Variants in MECOM observed in about 807,000 individuals in gnomAD.
MECOM encodes the protein histone-lysine N-methyltransferase MECOM.
MECOM carries 13 observed loss-of-function variants against 116.3 expected under a neutral mutation model. That is an observed-to-expected ratio of 0.11 (90% confidence interval 0.07 to 0.18). The LOEUF (loss-of-function observed/expected upper bound fraction) is 0.18, where lower values mean the gene tolerates loss of function less well. Among genes scored for constraint, MECOM ranks in the 10% least tolerant of loss-of-function variants. The pLI, the probability that MECOM is intolerant of heterozygous loss-of-function variation, is 1.00. For synonymous variants in MECOM, 528 were observed against 535.2 expected, an observed-to-expected ratio of 0.99 and a Z score of 0.19; for missense variants, 1,299 against 1,509.0, an observed-to-expected ratio of 0.86 and a Z score of 2.31.
chr3:169,594,224 C>T lies in MECOM; in HGVS notation c.37+69112G>A, dbSNP rs376833001. On this transcript the variant is annotated intron_variant, in intron 1 of 16. Coordinates refer to ENST00000651503, the MANE Select transcript of MECOM (RefSeq NM_004991.4). ...AAGGCCCTCCACCAAAAAAACAATG[C>T]TCTCTTAAAACTAGCTGACCCTTTG... is the stretch of plus-strand genomic sequence containing the variant. 1.7e-4 allele frequency among the ~76,000 whole-genome samples: 25 copies of T among 150,904 alleles called. No individual in the cohort carries two copies. The East Asian group carries it at 3.5e-3, about 21-fold the overall frequency.
Position 169,412,221 on chromosome 3 carries a change from G to T in MECOM, c.38-30697C>A, listed in dbSNP as rs534199142. On this transcript the variant is annotated intron_variant, in intron 1 of 16. Transcript: ENST00000651503. ...AAATCACCTGAACCCAGGAGGCGGA[G>T]GTTGCAGTGAGCCAAGATTGCGCCA... 3.3e-5 allele frequency among the ~76,000 whole-genome samples: 5 copies of T among 149,858 alleles called. No individual in the cohort carries two copies. In the East Asian group the frequency reaches 9.8e-4, roughly 29 times the overall value.
At chr3:169,516,925 G>A (rs767868317) in intron 1 of MECOM, among the ~76,000 whole-genome samples, 2 of 152,162 alleles carry the variant, frequency 1.3e-5, no homozygotes, top group African/African-American at 2.4e-5. Flanking sequence ...ATTGCAACAT[G>A]CAGGCAAACG....
In MECOM at chr3:169,101,024, A is replaced by G. The variant is rs1723388236; in HGVS notation, c.2772-62T>C. The G allele has an allele frequency of 2.5e-6, 3 of 1,176,720 alleles. No individual in the cohort carries two copies. In the Middle Eastern group the frequency reaches 5.9e-4, roughly 232 times the overall value. The allele number at this position is 1,176,720 out of a possible 1,614,324, so 72.9% of individuals were successfully genotyped here. A position where few individuals can be genotyped will look rare whatever the true frequency, so the allele number is the denominator to read the frequency against. On this transcript the variant is annotated intron_variant, in intron 11 of 16. Transcript: ENST00000651503. ...CAGTTGACTATATTTCACTCATGCC[A>G]CACAGCAGCCAGATGCTTATTCCTG...
At position 169,512,588 on chromosome 3, in the gene MECOM, A is replaced by G. The variant is rs16853910; in HGVS notation, c.38-131064T>C. ...CCTAGCTACTTCCCCATAGTGACCA[A>G]CTACATCTTGTTAACTGTTTTGTCC... On this transcript the variant is annotated intron_variant, in intron 1 of 16. Coordinates refer to ENST00000651503, the MANE Select transcript of MECOM (RefSeq NM_004991.4). 8.4e-3 allele frequency among the ~76,000 whole-genome samples: 1,281 copies of G among 152,334 alleles called. 15 individuals are homozygous for G. Among genetic ancestry groups the G allele is most frequent in the South Asian group, 0.025 (123 of 4,828 alleles).
At chr3:169,107,211 T>C (rs1725725067) in intron 10 of MECOM, among the ~76,000 whole-genome samples, 1 of 152,166 alleles carries the variant, frequency 6.6e-6, no homozygotes, top group Admixed American at 6.6e-5. Context: ...ACTTAGAGAA[T>C]ATTTTTAACT....
At chr3:169,610,782 T>A (rs1769166015) in intron 1 of MECOM, among the ~76,000 whole-genome samples, 1 of 152,080 alleles carries the variant, frequency 6.6e-6, no homozygotes, top group Non-Finnish European at 1.5e-5. Flanking sequence ...CACTGGTGAG[T>A]CTGAATATAA....
In MECOM at chr3:169,651,998, T is replaced by A. The variant is rs561813136; in HGVS notation, c.37+11338A>T. Among the ~76,000 whole-genome samples the A allele has an allele frequency of 5.3e-5, 8 of 152,232 alleles. No individual in the cohort carries two copies. The South Asian group carries it at 1.7e-3, about 32-fold the overall frequency. ...TAAAAATTATTGTGTATAAATTTTG[T>A]AACAAGAAAAATATTGTGTATAAGA... On this transcript the variant is annotated intron_variant, in intron 1 of 16. Coordinates refer to ENST00000651503, the MANE Select transcript of MECOM (RefSeq NM_004991.4).
Position 169,611,729 on chromosome 3 carries a change from C to T in MECOM, c.37+51607G>A, listed in dbSNP as rs1034059878. Among the ~76,000 whole-genome samples the T allele has an allele frequency of 1.3e-5, 2 of 151,998 alleles. No individual in the cohort carries two copies. The highest frequency in any genetic ancestry group is 4.8e-5 in the African/African-American group (2 of 41,380). On this transcript the variant is annotated intron_variant, in intron 1 of 16. Coordinates refer to ENST00000651503, the MANE Select transcript of MECOM (RefSeq NM_004991.4). This position sits in a 1 kb window ranked among gnomAD's most constrained non-coding sequence, Gnocchi z 4.1. The stretch of plus-strand genomic sequence containing the variant: ...GGAACAGATATGGTGACCTTAGTAC[C>T]CAAAGGATTATTTTAGTCTTACAGA...
Position 169,413,035 on chromosome 3 carries a change from T to C in MECOM, c.38-31511A>G, listed in dbSNP as rs538001583. On this transcript the variant is annotated intron_variant, in intron 1 of 16. Transcript: ENST00000651503. ...AAATATATAAAAGCAGATTTCCTTT[T>C]AAAAACATAGTTAGGAGGATTCCTG... Among the ~76,000 whole-genome samples the C allele has an allele frequency of 7.9e-5, 12 of 152,364 alleles. No homozygotes were observed. In the South Asian group the frequency reaches 2.3e-3, roughly 29 times the overall value.
intron 2 of MECOM, among the ~76,000 whole-genome samples, chr3:169,227,827 A>T (rs1202203728): frequency 6.6e-6 from 1 of 152,220 alleles, no homozygotes; most frequent in Non-Finnish European, 1.5e-5. Flanking sequence ...GAATCAGCAC[A>T]TAGGAGGCAG....
At chr3:169,525,943 C>T (rs535997946) in intron 1 of MECOM, among the ~76,000 whole-genome samples, 128 of 152,020 alleles carry the variant, frequency 8.4e-4, no homozygotes, top group Middle Eastern at 3.4e-3. Flanking sequence ...GCAGGAGAAT[C>T]GCTTGAACCC....
intron 1 of MECOM, among the ~76,000 whole-genome samples, chr3:169,617,038 ATC>A: frequency 6.6e-6 from 1 of 152,316 alleles, no homozygotes; most frequent in East Asian, 1.9e-4. Context: ...CTAGGGTTAT[ATC>A]TCTATTTTCA....
intron 2 of MECOM, among the ~76,000 whole-genome samples, chr3:169,324,747 G>A (rs1024835632): frequency 2.6e-5 from 4 of 152,188 alleles, no homozygotes; most frequent in African/African-American, 9.6e-5. Context: ...ACAAGTGCAG[G>A]AAGAGACTGA....
intron 2 of MECOM, among the ~76,000 whole-genome samples, chr3:169,235,514 G>A (rs1041250124): frequency 1.3e-5 from 2 of 151,660 alleles, no homozygotes; most frequent in African/African-American, 2.4e-5. Flanking sequence ...ATATGAAAAC[G>A]TGTTTACTAT....
chr3:169,376,904 T>C (rs1165007734), intron 2 of MECOM, among the ~76,000 whole-genome samples: 1 of 152,158 alleles, frequency 6.6e-6, no homozygotes, highest in Non-Finnish European at 1.5e-5. Flanking sequence ...GCTGGAGGTG[T>C]CACGCTGCCT....
At chr3:169,650,716 C>T (rs980064336) in intron 1 of MECOM, among the ~76,000 whole-genome samples, 3 of 151,868 alleles carry the variant, frequency 2.0e-5, no homozygotes, top group Admixed American at 6.6e-5. Context: ...CTGCTGTGAC[C>T]GTGTCTCAGA....
At position 169,122,742 on chromosome 3, in the gene MECOM, A is replaced by G; in HGVS notation, c.831-15T>C. On this transcript the variant is annotated splice_polypyrimidine_tract_variant and intron_variant, in intron 5 of 16. Coordinates refer to ENST00000651503, the MANE Select transcript of MECOM (RefSeq NM_004991.4). The stretch of plus-strand genomic sequence containing the variant: ...GTTTCTCCAGGCTGTTAAGAGAACA[A>G]TAGATTTTAAAAGACAAAGGATGCA... 6.2e-7 allele frequency: 1 copy of G among 1,611,242 alleles called. No homozygotes were observed. The highest frequency in any genetic ancestry group is 8.5e-7 in the Non-Finnish European group (1 of 1,178,070).
At chr3:169,474,116 T>G (rs1329796157) in intron 1 of MECOM, among the ~76,000 whole-genome samples, 1 of 152,198 alleles carries the variant, frequency 6.6e-6, no homozygotes, top group African/African-American at 2.4e-5. Context: ...CAAGATGAAT[T>G]TCTTTTGTAG....
intron 2 of MECOM, among the ~76,000 whole-genome samples, chr3:169,281,948 C>G (rs1246571190): frequency 1.3e-5 from 2 of 152,158 alleles, no homozygotes; most frequent in East Asian, 1.9e-4. Context: ...TTCCTTGGGA[C>G]TATATTGCCA....
Sources: gnomAD v4.1 joint callset for allele counts (sites outside exome capture counted in the v4.1 genomes callset) on GRCh38, gnomAD v4.1.1 for gene constraint, Gnocchi (gnomAD v3.1) non-coding constraint, MANE v1.5 for transcripts, NCBI Gene and HGNC (gene_info 2026-07-23, HGNC 2026-07-21) for gene names.